Variants in ARB2A observed in about 807,000 individuals in gnomAD.
The protein encoded by ARB2A is ARB2 cotranscriptional regulator A.
the ARB2A span, among the ~76,000 whole-genome samples, chr5:93,825,067 T>C: frequency 0.041 from 6,191 of 152,266 alleles, 383 homozygotes; most frequent in African/African-American, 0.14. Flanking sequence ...ATGTTTCATC[T>C]CCCGTTGTAA....
chr5:93,784,178 G>T, the ARB2A span: 1 of 486,718 alleles, frequency 2.1e-6, no homozygotes, highest in Non-Finnish European at 3.7e-6. Context: ...AAACCAAAAA[G>T]AAGGGAGGGG....
the ARB2A span, among the ~76,000 whole-genome samples, chr5:93,797,529 G>GA: frequency 6.6e-6 from 1 of 152,076 alleles, no homozygotes; most frequent in Non-Finnish European, 1.5e-5. Context: ...TAGCCAATAT[G>GA]AAATTCTATA....
At chr5:93,899,343 A>T in the ARB2A span, among the ~76,000 whole-genome samples, 39 of 152,264 alleles carry the variant, frequency 2.6e-4, no homozygotes, top group Admixed American at 3.9e-4. Flanking sequence ...TTCTAAGAAG[A>T]TCCTAAAATA....
At chr5:93,703,802 C>G in the ARB2A span, among the ~76,000 whole-genome samples, 1 of 152,178 alleles carries the variant, frequency 6.6e-6, no homozygotes, top group African/African-American at 2.4e-5. Context: ...TGCAAGCAGT[C>G]TGGTGCCCTC....
chr5:94,048,051 C>CTTTTTTTT, the ARB2A span, among the ~76,000 whole-genome samples: 30 of 96,072 alleles, frequency 3.1e-4, no homozygotes, highest in Admixed American at 6.0e-4. Flanking sequence ...AATCGGTAAG[C>CTTTTTTTT]TTTTTTTTTT....
chr5:93,651,872 C>T, the ARB2A span, among the ~76,000 whole-genome samples: 2 of 151,990 alleles, frequency 1.3e-5, no homozygotes, highest in South Asian at 2.1e-4. Context: ...AACTCTAAGA[C>T]TATGAGAAGA....
the ARB2A span, among the ~76,000 whole-genome samples, chr5:94,033,206 C>T: frequency 6.6e-6 from 1 of 152,138 alleles, no homozygotes; most frequent in Non-Finnish European, 1.5e-5. Flanking sequence ...TTGGGTGTTT[C>T]TTTATAACAG....
chr5:93,712,648 T>C, the ARB2A span, among the ~76,000 whole-genome samples: 8 of 152,116 alleles, frequency 5.3e-5, no homozygotes, highest in East Asian at 1.5e-3. Flanking sequence ...AAACTAGCAA[T>C]AAACAATTCA....
At chr5:94,020,237 CGG>C in the ARB2A span, among the ~76,000 whole-genome samples, 14 of 59,814 alleles carry the variant, frequency 2.3e-4, no homozygotes, top group African/African-American at 9.7e-4. Flanking sequence ...CACATGGACA[CGG>C]GGCGGGGGGG....
At chr5:93,842,133 T>C in the ARB2A span, among the ~76,000 whole-genome samples, 1 of 152,164 alleles carries the variant, frequency 6.6e-6, no homozygotes, top group Admixed American at 6.5e-5. Flanking sequence ...TGGAGGTCAG[T>C]GGTCAGCAAG....
chr5:93,730,461 G>A, the ARB2A span, among the ~76,000 whole-genome samples: 3 of 152,004 alleles, frequency 2.0e-5, no homozygotes, highest in East Asian at 5.8e-4. Context: ...GAAATGAGGT[G>A]ATCATTTATA....
At chr5:93,715,565 A>G in the ARB2A span, among the ~76,000 whole-genome samples, 1 of 152,042 alleles carries the variant, frequency 6.6e-6, no homozygotes, top group Non-Finnish European at 1.5e-5. Flanking sequence ...CTGTGTAATC[A>G]AATTAGACAA....
chr5:93,952,269 G>C, the ARB2A span, among the ~76,000 whole-genome samples: 210 of 152,298 alleles, frequency 1.4e-3, 1 homozygote, highest in African/African-American at 5.0e-3. Flanking sequence ...ACAGTAGCCA[G>C]AGCTGTTATG....
chr5:93,809,168 G>A, the ARB2A span, among the ~76,000 whole-genome samples: 1 of 152,068 alleles, frequency 6.6e-6, no homozygotes, highest in African/African-American at 2.4e-5. Flanking sequence ...CTACTGTACA[G>A]TTCACTATTT....
At chr5:93,728,608 T>C in the ARB2A span, among the ~76,000 whole-genome samples, 3 of 152,038 alleles carry the variant, frequency 2.0e-5, no homozygotes, top group Admixed American at 1.3e-4. Flanking sequence ...GTGGATCTGC[T>C]AAACCATTAA....
chr5:93,705,221 CA>C, the ARB2A span, among the ~76,000 whole-genome samples: 1 of 152,182 alleles, frequency 6.6e-6, no homozygotes, highest in Admixed American at 6.5e-5. Context: ...ATTCCAAGCA[CA>C]AAATATTTCA....
At chr5:93,804,323 A>C in the ARB2A span, among the ~76,000 whole-genome samples, 2 of 151,982 alleles carry the variant, frequency 1.3e-5, no homozygotes, top group Non-Finnish European at 1.5e-5. Flanking sequence ...TGAGTATCTA[A>C]TAAGTAAACA....
chr5:93,741,102 CAG>C, the ARB2A span: 3 of 1,613,916 alleles, frequency 1.9e-6, no homozygotes, highest in Non-Finnish European at 2.5e-6. Flanking sequence ...CCTTCCCAAA[CAG>C]AGCTCCCACA....
chr5:93,751,121 C>G, the ARB2A span, among the ~76,000 whole-genome samples: 1 of 151,194 alleles, frequency 6.6e-6, no homozygotes, highest in Non-Finnish European at 1.5e-5. Context: ...CTACAAAAAG[C>G]TTAAGGTAGG....
Sources: allele counts gnomAD v4.1 joint callset (sites outside exome capture counted in the v4.1 genomes callset), GRCh38; gene constraint gnomAD v4.1.1; transcripts MANE v1.5; gene names NCBI Gene and HGNC (gene_info 2026-07-23, HGNC 2026-07-21).